EVC2: variants seen among roughly 807,000 people sequenced by gnomAD.
EVC2 encodes limbin.
In EVC2, 148 loss-of-function variants were observed where a neutral mutation model predicts 149.3. That is an observed-to-expected ratio of 0.99 (90% CI 0.87 to 1.14). The LOEUF is 1.14. Among genes scored for constraint, EVC2 ranks in the 50% most tolerant of loss-of-function variants. The pLI, the probability that EVC2 is intolerant of heterozygous loss-of-function variation, is 0.00. For missense variants in EVC2, 1,854 were observed against 1,627.3 expected, an observed-to-expected ratio of 1.14 and a Z score of -2.40; for synonymous variants, 776 against 649.9, an observed-to-expected ratio of 1.19 and a Z score of -2.95.
Position 5,628,754 on chromosome 4 carries a change from A to AT in EVC2, c.1711-21_1711-20insA. The AT allele has an allele frequency of 6.7e-7, 1 of 1,484,632 alleles. No homozygotes were observed. Among genetic ancestry groups the AT allele is most frequent in the Non-Finnish European group, 9.4e-7 (1 of 1,067,572 alleles). 92.0% of individuals were successfully genotyped at this position (1,484,632 alleles called of 1,614,324 possible). ...ATTCTCCTGTCAATTAAAAAAAAAA[A>AT]CAAGAAAATATGCCTAATTAAAATT... On this transcript the variant is annotated intron_variant, in intron 11 of 21. Transcript: ENST00000344408.
At chr4:5,632,347 A>C (rs994722989) in intron 10 of EVC2, among the ~76,000 whole-genome samples, 1 of 152,204 alleles carries the variant, frequency 6.6e-6, no homozygotes, top group African/African-American at 2.4e-5. Context: ...CACACACAGC[A>C]AAAACAAGGC....
chr4:5,547,809 G>C (rs1721650160), intron 21 of EVC2, among the ~76,000 whole-genome samples: 1 of 152,182 alleles, frequency 6.6e-6, no homozygotes, highest in Non-Finnish European at 1.5e-5. Flanking sequence ...CATACCCCTT[G>C]CTCGCCATGT....
At chr4:5,666,263 T>G (rs2108901209) in intron 7 of EVC2, among the ~76,000 whole-genome samples, 1 of 151,910 alleles carries the variant, frequency 6.6e-6, no homozygotes, top group South Asian at 2.1e-4. Flanking sequence ...TCAATCCTGA[T>G]TATTGTTTAT....
At chr4:5,543,320 T>G in intron 21 of EVC2, 1 of 523,544 alleles carries the variant, frequency 1.9e-6, no homozygotes, top group Non-Finnish European at 3.1e-6. Flanking sequence ...AAACACACTC[T>G]TCCCTTCTTA....
chr4:5,622,570 G>C lies in EVC2; in HGVS notation c.2468C>G (p.Ala823Gly), dbSNP rs376155783. 2 of 1,613,938 alleles carry C rather than the reference G, an allele frequency of 1.2e-6. No individual in the cohort carries two copies. Among genetic ancestry groups the C allele is most frequent in the Non-Finnish European group, 1.7e-6 (2 of 1,179,964 alleles). Residue 823 changes from alanine to glycine, a missense_variant, in exon 14 of 22, where the codon GCA becomes GGA. Coordinates refer to ENST00000344408, the MANE Select transcript of EVC2 (RefSeq NM_147127.5). The surrounding 1 kb of genome is among the most constrained non-coding windows in gnomAD (Gnocchi z 5.8). ...CAGGTGCTCCCAGCGTCGCAGCTCT[G>C]CCTGCTCCTCTGTCACGGCCTCAGG... Reference protein sequence around the residue: ...DAPEAVTEEQAELRRWEHLIF... With the variant: ...DAPEAVTEEQGELRRWEHLIF...
chr4:5,585,509 T>A (rs1560140854), intron 16 of EVC2, among the ~76,000 whole-genome samples: 1 of 152,218 alleles, frequency 6.6e-6, no homozygotes, highest in Non-Finnish European at 1.5e-5. Flanking sequence ...ATCATTAAGC[T>A]CTGCATGCCT....
At position 5,696,081 on chromosome 4, in the gene EVC2, A is replaced by G. The variant is rs1032002869; in HGVS notation, c.283+1512T>C. Among the ~76,000 whole-genome samples the G allele has an allele frequency of 6.6e-6, 1 of 152,160 alleles. No homozygotes were observed. The highest frequency in any genetic ancestry group is 2.4e-5 in the African/African-American group (1 of 41,440). On this transcript the variant is annotated intron_variant, in intron 2 of 21. Transcript: ENST00000344408. The surrounding 1 kb of genome is among the most constrained non-coding windows in gnomAD (Gnocchi z 4.1). ...TCCACCAGGTGAGCGGCTGATTCAG[A>G]GCATCGGGAATGTCTGAGTAGAGCA... is the stretch of plus-strand genomic sequence containing the variant.
Position 5,689,195 on chromosome 4 carries a change from G to A in EVC2, c.668C>T (p.Ser223Leu), listed in dbSNP as rs999964757. 6.8e-6 allele frequency: 11 copies of A among 1,614,070 alleles called. No individual in the cohort carries two copies. The highest frequency in any genetic ancestry group is 2.2e-5 in the South Asian group (2 of 91,078). ...TIWDSVGNRT[S>L]EGFQAFSKKF... ...CTTGCTAAAAGCCTGGAATCCTTCC[G>A]AGGTCCTGTTTCCCACAGAGTCCCA... Residue 223 changes from serine (S) to leucine (L), a missense_variant, in exon 5 of 22, where the codon TCG becomes TTG. Physicochemically the swap from Ser to Leu is moderately radical, Grantham distance 145. Transcript: ENST00000344408.
chr4:5,579,601 G>A (rs1432000357), intron 17 of EVC2, among the ~76,000 whole-genome samples: 1 of 152,198 alleles, frequency 6.6e-6, no homozygotes, highest in Non-Finnish European at 1.5e-5. Flanking sequence ...CAGCACTTTG[G>A]GAGGCCAAGG....
intron 9 of EVC2, among the ~76,000 whole-genome samples, chr4:5,643,330 T>C (rs1411496571): frequency 1.3e-5 from 2 of 152,240 alleles, no homozygotes; most frequent in Non-Finnish European, 2.9e-5. Context: ...AAGATAATTC[T>C]ATAAAAATAG....
chr4:5,555,367 AT>A (rs1331393901), intron 21 of EVC2, among the ~76,000 whole-genome samples: 1 of 152,314 alleles, frequency 6.6e-6, no homozygotes, highest in Non-Finnish European at 1.5e-5. Context: ...TGTCAGATGG[AT>A]TTTTTAAAAG....
chr4:5,601,065 A>C (rs891154386), intron 16 of EVC2, among the ~76,000 whole-genome samples: 1 of 152,006 alleles, frequency 6.6e-6, no homozygotes, highest in Admixed American at 6.6e-5. Flanking sequence ...TTTTTGGGGG[A>C]TTCAACTAGC....
chr4:5,705,045 G>C (rs1045851025), intron 1 of EVC2, among the ~76,000 whole-genome samples: 2 of 152,126 alleles, frequency 1.3e-5, no homozygotes, highest in African/African-American at 4.8e-5. Flanking sequence ...CTGCAGTTTT[G>C]AAGCTATAGT....
At chr4:5,662,429 A>G (rs1265637341) in intron 9 of EVC2, among the ~76,000 whole-genome samples, 1 of 148,080 alleles carries the variant, frequency 6.8e-6, no homozygotes, top group Non-Finnish European at 1.5e-5. Flanking sequence ...TATTAGTTCA[A>G]TAGTTTATTG....
At position 5,670,868 on chromosome 4, in the gene EVC2, T is replaced by C. The variant is rs1719606690; in HGVS notation, c.871-5219A>G. ...AATATCCCCATCACCACCATCATTA[T>C]CAACATCATCAATATCCCCATCACC... On this transcript the variant is annotated intron_variant, in intron 7 of 21. Transcript: ENST00000344408. This position sits in a 1 kb window ranked among gnomAD's most constrained non-coding sequence, Gnocchi z 5.2. 6.6e-6 allele frequency among the ~76,000 whole-genome samples: 1 copy of C among 151,804 alleles called. No individual in the cohort carries two copies. Among genetic ancestry groups the C allele is most frequent in the African/African-American group, 2.4e-5 (1 of 41,322 alleles).
intron 2 of EVC2, among the ~76,000 whole-genome samples, chr4:5,695,271 C>A (rs1234329882): frequency 6.6e-6 from 1 of 151,418 alleles, no homozygotes; most frequent in Non-Finnish European, 1.5e-5. Context: ...TCGCTTGAAC[C>A]TGGGAGGCGG....
chr4:5,608,560 G>C (rs1714579191), intron 16 of EVC2, among the ~76,000 whole-genome samples: 1 of 152,140 alleles, frequency 6.6e-6, no homozygotes, highest in African/African-American at 2.4e-5. Context: ...ATGAGACAGA[G>C]TCTCGGTCGG....
At chr4:5,535,716 A>G in the EVC2 span, among the ~76,000 whole-genome samples, 2 of 151,970 alleles carry the variant, frequency 1.3e-5, no homozygotes, top group Non-Finnish European at 2.9e-5. This position sits in a 1 kb window ranked among gnomAD's most constrained non-coding sequence, Gnocchi z 4.7. Context: ...CCTCATCTAA[A>G]CCTAATCACC....
intron 9 of EVC2, among the ~76,000 whole-genome samples, chr4:5,641,190 T>C (rs909197683): frequency 1.3e-5 from 2 of 152,202 alleles, no homozygotes; most frequent in Non-Finnish European, 2.9e-5. Context: ...TTTCTTCCCA[T>C]TAAAAATCAA....
Sources: allele counts gnomAD v4.1 joint callset (sites outside exome capture counted in the v4.1 genomes callset), GRCh38; gene constraint gnomAD v4.1.1; non-coding constraint Gnocchi (gnomAD v3.1); transcripts MANE v1.5; gene names NCBI Gene and HGNC (gene_info 2026-07-23, HGNC 2026-07-21).